ATP9B: variants seen among roughly 807,000 people sequenced by gnomAD.
ATP9B encodes probable phospholipid-transporting ATPase IIB.
In ATP9B, 110 loss-of-function variants were observed where a neutral mutation model predicts 146.1. The ratio of observed to expected loss-of-function variants is 0.75; its 90% CI spans 0.65 to 0.88. ATP9B has a LOEUF of 0.88. ATP9B is among the 40% of genes least tolerant of loss of function. The pLI, the probability that ATP9B is intolerant of heterozygous loss-of-function variation, is 0.00. For synonymous variants in ATP9B, 604 were observed against 569.7 expected, an observed-to-expected ratio of 1.06 and a Z score of -0.86; for missense variants, 1,499 against 1,496.4, an observed-to-expected ratio of 1.00 and a Z score of -0.03.
At chr18:79,371,224 T>A (rs2097067587) in intron 26 of ATP9B, among the ~76,000 whole-genome samples, 1 of 152,008 alleles carries the variant, frequency 6.6e-6, no homozygotes, top group African/African-American at 2.4e-5. Context: ...ATGCAAAAAT[T>A]ATCTGGGCAT....
intron 10 of ATP9B, 77 bp downstream of exon 10, chr18:79,207,089 A>G (rs952167103): frequency 7.1e-7 from 1 of 1,408,320 alleles, no homozygotes; most frequent in Non-Finnish European, 1.0e-6. Flanking sequence ...ACTCCAAACA[A>G]GGGTTTCTCA....
intron 7 of ATP9B, among the ~76,000 whole-genome samples, chr18:79,167,020 G>A (rs554138509): frequency 6.6e-6 from 1 of 152,200 alleles, no homozygotes; most frequent in East Asian, 1.9e-4. Flanking sequence ...TTCCATAAGC[G>A]ACTTCCACTG....
chr18:79,133,659 A>T (rs2147281038), intron 5 of ATP9B, among the ~76,000 whole-genome samples: 1 of 152,288 alleles, frequency 6.6e-6, no homozygotes, highest in East Asian at 1.9e-4. Flanking sequence ...TTCTCAGGTC[A>T]CCCTTAGAGG....
intron 15 of ATP9B, among the ~76,000 whole-genome samples, chr18:79,323,649 G>C (rs902798116): frequency 6.6e-6 from 1 of 152,164 alleles, no homozygotes; most frequent in Admixed American, 6.5e-5. Context: ...TCATTCTTTA[G>C]TGATGGCTGA....
At chr18:79,268,171 C>G (rs977803614) in intron 12 of ATP9B, among the ~76,000 whole-genome samples, 4 of 152,022 alleles carry the variant, frequency 2.6e-5, no homozygotes, top group African/African-American at 9.7e-5. Flanking sequence ...TGCCAGCTGT[C>G]TTTAATTTCT....
intron 2 of ATP9B, among the ~76,000 whole-genome samples, chr18:79,106,961 T>G (rs1168611973): frequency 2.0e-5 from 3 of 152,236 alleles, no homozygotes; most frequent in African/African-American, 7.2e-5. Flanking sequence ...GCTATAAAGC[T>G]TATATTTTCT....
intron 13 of ATP9B, among the ~76,000 whole-genome samples, chr18:79,300,261 TG>T: frequency 6.6e-6 from 1 of 152,122 alleles, no homozygotes; most frequent in African/African-American, 2.4e-5. Context: ...GAAAGGTTGG[TG>T]GTGGTGATGA....
chr18:79,373,871 A>T (rs201785866), intron 27 of ATP9B, 27 bp from the exon 28 acceptor site: 1 of 1,611,688 alleles, frequency 6.2e-7, no homozygotes, highest in Admixed American at 1.7e-5. Flanking sequence ...GCTCGTGTGC[A>T]TGGAAAAAGC....
intron 4 of ATP9B, among the ~76,000 whole-genome samples, chr18:79,121,348 G>T (rs1310537710): frequency 1.3e-5 from 2 of 152,224 alleles, no homozygotes; most frequent in African/African-American, 4.8e-5. Context: ...CAGGATGACA[G>T]TAGTTTAAAT....
At chr18:79,179,346 C>T (rs2095221803) in intron 8 of ATP9B, among the ~76,000 whole-genome samples, 1 of 151,860 alleles carries the variant, frequency 6.6e-6, no homozygotes. Flanking sequence ...GTTTCTTCCT[C>T]CTTAAGGTGG....
chr18:79,256,875 A>T (rs762577975), intron 12 of ATP9B, among the ~76,000 whole-genome samples: 1 of 152,174 alleles, frequency 6.6e-6, no homozygotes, highest in Non-Finnish European at 1.5e-5. Context: ...CATATTCTTG[A>T]TCAGTCTTTT....
At chr18:79,332,452 T>G (rs1331231647) in intron 17 of ATP9B, among the ~76,000 whole-genome samples, 1 of 152,060 alleles carries the variant, frequency 6.6e-6, no homozygotes, top group African/African-American at 2.4e-5. Flanking sequence ...AAAAAAATTA[T>G]AAGGAAGAGA....
chr18:79,114,328 G>A (rs986534247), intron 4 of ATP9B, among the ~76,000 whole-genome samples: 23 of 152,162 alleles, frequency 1.5e-4, no homozygotes, highest in African/African-American at 4.1e-4. Context: ...AGGAAACACA[G>A]AGAGTGAAAG....
chr18:79,340,416 TCATG>T (rs1473934626), intron 19 of ATP9B: 1 of 152,212 alleles, frequency 6.6e-6, no homozygotes, highest in African/African-American at 2.4e-5. Context: ...TTCAACTTTG[TCATG>T]ATGATGTGTC....
At chr18:79,295,428 T>G (rs534272481) in intron 13 of ATP9B, among the ~76,000 whole-genome samples, 12 of 152,222 alleles carry the variant, frequency 7.9e-5, no homozygotes, top group Non-Finnish European at 1.8e-4. Context: ...TGTCTACAAT[T>G]TTTCTCATTG....
intron 8 of ATP9B, among the ~76,000 whole-genome samples, 186 bp downstream of exon 8, chr18:79,177,093 A>C (rs1406461872): frequency 6.6e-6 from 1 of 152,200 alleles, no homozygotes; most frequent in Non-Finnish European, 1.5e-5. Context: ...CTTAGCACAT[A>C]ATCAGTTTTA....
intron 11 of ATP9B, among the ~76,000 whole-genome samples, chr18:79,252,072 G>A (rs562780736): frequency 1.3e-3 from 202 of 152,354 alleles, no homozygotes; most frequent in African/African-American, 4.7e-3. Context: ...TGAGGAAAAC[G>A]AGGTCTAACA....
chr18:79,296,848 A>C (rs977537471), intron 13 of ATP9B, among the ~76,000 whole-genome samples: 17 of 152,216 alleles, frequency 1.1e-4, no homozygotes, highest in African/African-American at 4.1e-4. Flanking sequence ...GGGGAGATGC[A>C]CGCTCAGCAG....
At chr18:79,279,177 G>A (rs2096349130) in intron 13 of ATP9B, among the ~76,000 whole-genome samples, 1 of 152,120 alleles carries the variant, frequency 6.6e-6, no homozygotes, top group African/African-American at 2.4e-5. Flanking sequence ...CTTTCCCAAC[G>A]TGGAGAGGCT....
Sources: allele counts gnomAD v4.1 joint callset (sites outside exome capture counted in the v4.1 genomes callset), GRCh38; gene constraint gnomAD v4.1.1; transcripts MANE v1.5; gene names NCBI Gene and HGNC (gene_info 2026-07-23, HGNC 2026-07-21).